The following ITIH2 variants were observed in gnomAD, a reference collection of about 807,000 sequenced individuals.
ITIH2 encodes the protein inter-alpha-trypsin inhibitor heavy chain H2.
In ITIH2, 103 loss-of-function variants were observed where a neutral mutation model predicts 104.4. The ratio of observed to expected loss-of-function variants is 0.99; its 90% CI spans 0.84 to 1.16. The LOEUF (loss-of-function observed/expected upper bound fraction) is 1.16, where lower values mean the gene tolerates loss of function less well. ITIH2 is among the 50% of genes most tolerant of loss of function. ITIH2 has a pLI of 0.00. For missense variants in ITIH2, 1,108 were observed against 1,162.4 expected (o/e 0.95, Z 0.68); for synonymous variants, 436 against 435.4 (o/e 1.00, Z -0.02).
At chr10:7,739,909 G>T (rs923302186) in intron 16 of ITIH2, among the ~76,000 whole-genome samples, 1 of 151,606 alleles carries the variant, frequency 6.6e-6, no homozygotes, top group Non-Finnish European at 1.5e-5. Context: ...GTAGGGACCG[G>T]GCACGGTGGC....
intron 9 of ITIH2, 119 bp from the exon 10 acceptor site, chr10:7,726,831 G>A (rs772952059): frequency 1.6e-4 from 136 of 852,610 alleles, no homozygotes; most frequent in Non-Finnish European, 1.5e-4. Flanking sequence ...AGGTTTTCTG[G>A]AAGAAGTTTA....
At position 7,720,878 on chromosome 10, in the gene ITIH2, C is replaced by T; in HGVS notation, c.653C>T (p.Pro218Leu). 6.2e-7 allele frequency: 1 copy of T among 1,612,194 alleles called. No homozygotes were observed. Among genetic ancestry groups the T allele is most frequent in the Non-Finnish European group, 8.5e-7 (1 of 1,178,300 alleles). The change falls in exon 7 of 21, where the codon CCA (proline) becomes CTA (leucine). Residue 218 changes from proline (P) to leucine (L), a missense_variant. By Grantham distance (98) the Pro-to-Leu change is moderately conservative. Transcript: ENST00000358415. ...TAGGTAGATGTGTGGGTTATCGAAC[C>T]ACAGGGACTGAGATTTCTTCATGTT... ...HLEVDVWVIE[P>L]QGLRFLHVPD...
At chr10:7,709,843 G>C (rs1343658503) in intron 4 of ITIH2, among the ~76,000 whole-genome samples, 1 of 152,102 alleles carries the variant, frequency 6.6e-6, no homozygotes, top group African/African-American at 2.4e-5. Flanking sequence ...GAAATGATGT[G>C]CCATCTGAGC....
intron 9 of ITIH2, among the ~76,000 whole-genome samples, chr10:7,724,706 T>C (rs78793708): frequency 0.05 from 7,605 of 151,928 alleles, 254 homozygotes; most frequent in Admixed American, 0.076. Flanking sequence ...TATTGATATT[T>C]TGGATGGGGT....
At chr10:7,744,404 C>A in intron 18 of ITIH2, 124 bp downstream of exon 18, 1 of 892,846 alleles carries the variant, frequency 1.1e-6, no homozygotes, top group Non-Finnish European at 1.7e-6. Flanking sequence ...AGTTGAGGTT[C>A]AGAAAAATTG....
At chr10:7,739,720 CAAA>C (rs981166118) in intron 16 of ITIH2, among the ~76,000 whole-genome samples, 1 of 151,808 alleles carries the variant, frequency 6.6e-6, no homozygotes, top group South Asian at 2.1e-4. Context: ...AAAACAAAAA[CAAA>C]AAAACCCTTT....
At chr10:7,723,074 G>A (rs986156434) in intron 8 of ITIH2, among the ~76,000 whole-genome samples, 2 of 150,986 alleles carry the variant, frequency 1.3e-5, no homozygotes, top group Non-Finnish European at 3.0e-5. Context: ...GTGGAGCAGC[G>A]TGGCGTGGAG....
rs907537690 is a variant in ITIH2 at position 7,720,955 on chromosome 10, C to G, written c.730C>G (p.Gln244Glu). 6.2e-7 allele frequency: 1 copy of G among 1,603,428 alleles called. No individual in the cohort carries two copies. The highest frequency in any genetic ancestry group is 8.5e-7 in the Non-Finnish European group (1 of 1,170,296). ...TGGTGTTCCGGTCATTTCTAAAGGA[C>G]AACAGAAGGTACCCTGAGCCCTGTG... ...FDGVPVISKG[Q>E]QKAHVSFKPT... Residue 244 changes from glutamine (Q) to glutamate (E), a missense_variant, in exon 7 of 21, where the codon CAA (glutamine) becomes GAA (glutamate). Transcript: ENST00000358415.
At chr10:7,728,935 G>C (rs909927168) in intron 11 of ITIH2, among the ~76,000 whole-genome samples, 2 of 152,168 alleles carry the variant, frequency 1.3e-5, no homozygotes, top group African/African-American at 4.8e-5. Context: ...TTGTTGTAGA[G>C]CCAATGTTTT....
At chr10:7,726,027 C>A (rs1048940690) in intron 9 of ITIH2, among the ~76,000 whole-genome samples, 3 of 152,144 alleles carry the variant, frequency 2.0e-5, no homozygotes, top group African/African-American at 7.2e-5. Context: ...CTTGCCGGTG[C>A]ATGAGAAATG....
At chr10:7,711,758 A>G (rs1342084252) in intron 4 of ITIH2, among the ~76,000 whole-genome samples, 1 of 152,172 alleles carries the variant, frequency 6.6e-6, no homozygotes, top group Non-Finnish European at 1.5e-5. Context: ...ATATTGCAGG[A>G]TGACTAACAT....
At chr10:7,712,049 G>A (rs1834800801) in intron 4 of ITIH2, among the ~76,000 whole-genome samples, 1 of 152,112 alleles carries the variant, frequency 6.6e-6, no homozygotes, top group South Asian at 2.1e-4. Context: ...CCTTGGCAGG[G>A]GACCCACCAG....
chr10:7,718,034 C>T (rs184124629), intron 6 of ITIH2, among the ~76,000 whole-genome samples: 274 of 152,180 alleles, frequency 1.8e-3, no homozygotes, highest in Middle Eastern at 0.014. Flanking sequence ...ACAGCAAACG[C>T]CACAGCTTAA....
chr10:7,727,419 C>T (rs1198895745), intron 10 of ITIH2, among the ~76,000 whole-genome samples: 1 of 152,178 alleles, frequency 6.6e-6, no homozygotes, highest in Non-Finnish European at 1.5e-5. Context: ...CTTGGCAAGG[C>T]TGATTTGGAT....
chr10:7,713,191 G>T lies in ITIH2; in HGVS notation c.373G>T (p.Gly125Cys). 1.2e-6 allele frequency: 2 copies of T among 1,613,502 alleles called. No individual in the cohort carries two copies. The highest frequency in any genetic ancestry group is 1.7e-6 in the Non-Finnish European group (2 of 1,179,476). Residue 125 changes from glycine to cysteine, a missense_variant, in exon 5 of 21, where the codon GGC becomes TGC. Coordinates refer to ENST00000358415, the MANE Select transcript of ITIH2 (RefSeq NM_002216.3). ...TCTGTCATTTTCTAGGACTGTGGACGGCAAGACATTTAGGAGCTCTATTAA... is the reference window on the plus strand; with the variant it reads ...TCTGTCATTTTCTAGGACTGTGGACTGCAAGACATTTAGGAGCTCTATTAA... Reference protein sequence around the residue: ...FISNFSMTVDGKTFRSSIKEK... With the variant: ...FISNFSMTVDCKTFRSSIKEK...
At position 7,743,175 on chromosome 10, in the gene ITIH2, C is replaced by G. The variant is rs534880750; in HGVS notation, c.2125C>G (p.Leu709Val). 7 of 1,578,354 alleles carry G rather than the reference C, an allele frequency of 4.4e-6. No individual in the cohort carries two copies. The South Asian group carries it at 8.3e-5, about 19-fold the overall frequency. ...AAATGACCCACATTTCATCATTTATCTACCAAAAAGCCAAAAGAACATTTG... is the reference window on the plus strand; with the variant it reads ...AAATGACCCACATTTCATCATTTATGTACCAAAAAGCCAAAAGAACATTTG... ...VENDPHFIIYLPKSQKNICFN... is the reference protein window; with the variant it reads ...VENDPHFIIYVPKSQKNICFN... The change falls in exon 17 of 21, where the codon CTA becomes GTA. Residue 709 changes from leucine to valine, a missense_variant. Transcript: ENST00000358415.
At chr10:7,735,636 C>T (rs1259043670) in intron 15 of ITIH2, among the ~76,000 whole-genome samples, 2 of 151,594 alleles carry the variant, frequency 1.3e-5, no homozygotes, top group African/African-American at 2.4e-5. Context: ...AAAACTGTCA[C>T]ATCACTGTTT....
At chr10:7,741,515 C>T (rs1406677484) in intron 16 of ITIH2, among the ~76,000 whole-genome samples, 2 of 152,034 alleles carry the variant, frequency 1.3e-5, no homozygotes, top group Non-Finnish European at 2.9e-5. Context: ...GTGTCTGGCT[C>T]CAAGAACAAT....
chr10:7,737,276 C>T (rs2130959831), intron 15 of ITIH2, among the ~76,000 whole-genome samples: 1 of 151,012 alleles, frequency 6.6e-6, no homozygotes, highest in South Asian at 2.1e-4. Context: ...ATCCAGGCAC[C>T]CCCGAGGGTG....
Sources: allele counts gnomAD v4.1 joint callset (sites outside exome capture counted in the v4.1 genomes callset), GRCh38; gene constraint gnomAD v4.1.1; transcripts MANE v1.5; gene names NCBI Gene and HGNC (gene_info 2026-07-23, HGNC 2026-07-21).